Variants in ATE1 observed in about 807,000 individuals in gnomAD.
ATE1 encodes arginyltransferase 1.
A neutral mutation model predicts 70.5 loss-of-function variants in ATE1; 36 were observed. The ratio of observed to expected loss-of-function variants is 0.51; its 90% CI spans 0.39 to 0.67. The LOEUF (loss-of-function observed/expected upper bound fraction) is 0.67, where lower values mean the gene tolerates loss of function less well. Among genes scored for constraint, ATE1 ranks in the 30% least tolerant of loss-of-function variants. The pLI is 0.00. For missense variants in ATE1, 593 were observed against 629.5 expected, an observed-to-expected ratio of 0.94 and a Z score of 0.62; for synonymous variants, 232 against 219.3, an observed-to-expected ratio of 1.06 and a Z score of -0.51.
intron 10 of ATE1, among the ~76,000 whole-genome samples, chr10:121,802,288 C>T (rs780471517): frequency 6.0e-5 from 9 of 148,848 alleles, no homozygotes; most frequent in Non-Finnish European, 4.4e-5. Context: ...GGCAAGGCTA[C>T]CCATTTGGTC....
At chr10:121,887,473 G>A (rs1172070240) in intron 7 of ATE1, among the ~76,000 whole-genome samples, 1 of 152,120 alleles carries the variant, frequency 6.6e-6, no homozygotes, top group African/African-American at 2.4e-5. Context: ...ACTTTAGCAG[G>A]TTGAGGCAGG....
intron 4 of ATE1, among the ~76,000 whole-genome samples, chr10:121,913,542 C>A (rs1951526879): frequency 1.3e-5 from 2 of 152,138 alleles, no homozygotes; most frequent in Non-Finnish European, 2.9e-5. Flanking sequence ...TTTTGATAAA[C>A]TCCAAGAAAT....
At chr10:121,854,863 A>G (rs1192286938) in intron 8 of ATE1, among the ~76,000 whole-genome samples, 1 of 152,168 alleles carries the variant, frequency 6.6e-6, no homozygotes, top group African/African-American at 2.4e-5. Context: ...GGTGTAACCC[A>G]TGGGCTCCCA....
chr10:121,849,679 G>C (rs935330970), intron 8 of ATE1, among the ~76,000 whole-genome samples: 1 of 152,278 alleles, frequency 6.6e-6, no homozygotes, highest in South Asian at 2.1e-4. Context: ...CAGCACTCTT[G>C]GTTAATAATG....
chr10:121,759,080 G>A (rs1412892766), intron 11 of ATE1, among the ~76,000 whole-genome samples: 1 of 152,148 alleles, frequency 6.6e-6, no homozygotes, highest in East Asian at 1.9e-4. Flanking sequence ...ATTAAACATG[G>A]TGATGAAGGC....
chr10:121,792,357 C>T (rs1303423737), intron 10 of ATE1, among the ~76,000 whole-genome samples: 4 of 152,086 alleles, frequency 2.6e-5, no homozygotes, highest in South Asian at 4.2e-4. Flanking sequence ...AATGGGAAGG[C>T]TTGTTGGATA....
At chr10:121,845,011 T>C (rs1349005873) in intron 8 of ATE1, among the ~76,000 whole-genome samples, 1 of 152,176 alleles carries the variant, frequency 6.6e-6, no homozygotes, top group African/African-American at 2.4e-5. Flanking sequence ...CAATAAAGCA[T>C]TTTTTATTTA....
intron 8 of ATE1, among the ~76,000 whole-genome samples, chr10:121,849,769 T>C (rs1207184445): frequency 1.3e-5 from 2 of 151,902 alleles, no homozygotes; most frequent in Non-Finnish European, 2.9e-5. Flanking sequence ...GGAGAATGAG[T>C]TGGAGGTGAG....
At chr10:121,814,621 AT>A (rs1174032987) in intron 10 of ATE1, among the ~76,000 whole-genome samples, 5 of 152,188 alleles carry the variant, frequency 3.3e-5, no homozygotes, top group Non-Finnish European at 7.3e-5. Flanking sequence ...CAGTTATCCT[AT>A]TTTATAGAAT....
intron 11 of ATE1, among the ~76,000 whole-genome samples, chr10:121,761,564 A>T (rs1945040121): frequency 6.6e-6 from 1 of 152,164 alleles, no homozygotes; most frequent in Admixed American, 6.5e-5. Context: ...AATTTGTGTG[A>T]CTTGCTTTAT....
At chr10:121,816,884 A>G (rs1431961491) in intron 10 of ATE1, among the ~76,000 whole-genome samples, 1 of 152,268 alleles carries the variant, frequency 6.6e-6, no homozygotes, top group Non-Finnish European at 1.5e-5. Context: ...CATTTATAAT[A>G]TTATACAGGA....
intron 3 of ATE1, among the ~76,000 whole-genome samples, chr10:121,916,786 G>A (rs1442681791): frequency 2.6e-5 from 4 of 151,696 alleles, no homozygotes; most frequent in Non-Finnish European, 5.9e-5. Flanking sequence ...AGTGAGCCAA[G>A]ATCGCGCCAC....
intron 10 of ATE1, among the ~76,000 whole-genome samples, chr10:121,810,607 A>G (rs1947280410): frequency 6.6e-6 from 1 of 152,186 alleles, no homozygotes; most frequent in South Asian, 2.1e-4. Context: ...TTCTTCTGGA[A>G]TATTACATAT....
At chr10:121,831,871 G>A (rs1161302172) in intron 10 of ATE1, among the ~76,000 whole-genome samples, 1 of 152,118 alleles carries the variant, frequency 6.6e-6, no homozygotes, top group Admixed American at 6.6e-5. Flanking sequence ...AATGATACTT[G>A]TTGCTCTAAA....
At chr10:121,871,220 C>T (rs1949844603) in intron 7 of ATE1, among the ~76,000 whole-genome samples, 2 of 152,052 alleles carry the variant, frequency 1.3e-5, no homozygotes, top group African/African-American at 4.8e-5. Flanking sequence ...TTTCGGAGGC[C>T]GAGGCGGGTG....
chr10:121,763,100 C>T (rs1470264695), intron 11 of ATE1, among the ~76,000 whole-genome samples: 1 of 152,180 alleles, frequency 6.6e-6, no homozygotes, highest in Non-Finnish European at 1.5e-5. Context: ...TTTTAGGAAT[C>T]TGTCCTATGA....
rs1944120834 is a variant in ATE1 at position 121,740,598 on chromosome 10, CAACT to C, written c.*3078_*3081del. On this transcript the variant is annotated 3_prime_UTR_variant, in exon 12 of 12. Transcript: ENST00000224652. Reference sequence around the variant, plus strand: ...AATAACTTCTAATTCAAACATTTTCCAACTGTTTCTACTTCATTTTTCAAGTTAG... The same window carrying C: ...AATAACTTCTAATTCAAACATTTTCCGTTTCTACTTCATTTTTCAAGTTAG... The C allele has an allele frequency of 6.6e-6, 1 of 152,024 alleles. No individual in the cohort carries two copies. The highest frequency in any genetic ancestry group is 1.5e-5 in the Non-Finnish European group (1 of 67,986). The allele number at this position is 152,024 out of a possible 1,614,324, so 9.4% of individuals were successfully genotyped here. A position where few individuals can be genotyped will look rare whatever the true frequency, so the allele number is the denominator to read the frequency against.
At chr10:121,898,989 C>A in intron 7 of ATE1, 1 of 1,610,582 alleles carries the variant, frequency 6.2e-7, no homozygotes, top group Non-Finnish European at 8.5e-7. Context: ...AAGGAAAATA[C>A]AAGCAAATGC....
At chr10:121,836,852 T>C (rs1264857613) in intron 9 of ATE1, 35 bp from the exon 10 acceptor site, 5 of 1,308,216 alleles carry the variant, frequency 3.8e-6, no homozygotes, top group Non-Finnish European at 5.5e-6. Context: ...TGAAGGCAGT[T>C]AATTCTGGTT....
Sources: gnomAD v4.1 joint callset for allele counts (sites outside exome capture counted in the v4.1 genomes callset) on GRCh38, gnomAD v4.1.1 for gene constraint, MANE v1.5 for transcripts, NCBI Gene and HGNC (gene_info 2026-07-23, HGNC 2026-07-21) for gene names.